The following TANC1 variants were observed in gnomAD, a reference collection of about 807,000 sequenced individuals.
The protein encoded by TANC1 is tetratricopeptide repeat, ankyrin repeat and coiled-coil containing 1.
TANC1 carries 77 observed loss-of-function variants against 149.7 expected under a neutral mutation model. The ratio of observed to expected loss-of-function variants is 0.51; its 90% CI spans 0.43 to 0.62. The LOEUF is 0.62. Among genes scored for constraint, TANC1 ranks in the 20% least tolerant of loss-of-function variants. The pLI, the probability that TANC1 is intolerant of heterozygous loss-of-function variation, is 0.00. For missense variants in TANC1, 1,985 were observed against 2,321.8 expected (o/e 0.85, Z 2.98); for synonymous variants, 854 against 925.0 (o/e 0.92, Z 1.39).
intron 2 of TANC1, among the ~76,000 whole-genome samples, chr2:159,043,694 T>A (rs1021808132): frequency 6.6e-6 from 1 of 152,196 alleles, no homozygotes; most frequent in Non-Finnish European, 1.5e-5. Flanking sequence ...ATTGAATGGC[T>A]TAGTATCTTT....
chr2:159,015,039 G>A (rs1229897708), intron 2 of TANC1, among the ~76,000 whole-genome samples: 1 of 152,168 alleles, frequency 6.6e-6, no homozygotes, highest in Non-Finnish European at 1.5e-5. Context: ...TCTACTAGGT[G>A]GTGCCCCCTT....
At chr2:159,228,137 T>C in intron 25 of TANC1, 172 bp downstream of exon 25, 1 of 701,054 alleles carries the variant, frequency 1.4e-6, no homozygotes, top group Admixed American at 2.9e-5. Context: ...TATCGTTTGG[T>C]CACGGCTGCT....
At chr2:159,047,223 A>T (rs1574325472) in intron 2 of TANC1, among the ~76,000 whole-genome samples, 1 of 136,990 alleles carries the variant, frequency 7.3e-6, no homozygotes, top group Non-Finnish European at 1.6e-5. Flanking sequence ...CCTGCTCCCC[A>T]CTCCAAACCA....
At chr2:159,059,596 G>A (rs567464246) in intron 2 of TANC1, among the ~76,000 whole-genome samples, 108 of 152,032 alleles carry the variant, frequency 7.1e-4, no homozygotes, top group Non-Finnish European at 1.4e-3. Flanking sequence ...GCCATCCCCC[G>A]CACCCTGACA....
At chr2:159,156,293 C>A (rs1403444973) in intron 7 of TANC1, among the ~76,000 whole-genome samples, 1 of 151,970 alleles carries the variant, frequency 6.6e-6, no homozygotes, top group African/African-American at 2.4e-5. Context: ...TTTTTAAAAT[C>A]TCTTGGGTGA....
chr2:159,196,840 C>T (rs760639756), intron 18 of TANC1, 47 bp downstream of exon 18: 1 of 1,542,530 alleles, frequency 6.5e-7, no homozygotes. Flanking sequence ...AAGCTGTAGC[C>T]CAGCAAGTCA....
chr2:158,985,879 G>A (rs2034944106), intron 1 of TANC1, among the ~76,000 whole-genome samples: 1 of 152,098 alleles, frequency 6.6e-6, no homozygotes, highest in Non-Finnish European at 1.5e-5. Context: ...CTGACCTTGC[G>A]ATCTGCCTGC....
At chr2:159,065,323 T>C (rs984172262) in intron 2 of TANC1, among the ~76,000 whole-genome samples, 1 of 152,204 alleles carries the variant, frequency 6.6e-6, no homozygotes, top group Non-Finnish European at 1.5e-5. Context: ...AAAAACCCAC[T>C]GTGGTGTGTG....
At chr2:159,207,688 C>T (rs1047808514) in intron 19 of TANC1, among the ~76,000 whole-genome samples, 4 of 82,602 alleles carry the variant, frequency 4.8e-5, no homozygotes, top group East Asian at 4.5e-4. Context: ...GACTGAGCAA[C>T]ACGTGTCTCA....
intron 4 of TANC1, among the ~76,000 whole-genome samples, chr2:159,110,023 G>A (rs916141016): frequency 2.0e-5 from 3 of 152,218 alleles, no homozygotes; most frequent in African/African-American, 7.2e-5. Context: ...AGAAATTCAT[G>A]GTAGTTTTGC....
intron 19 of TANC1, among the ~76,000 whole-genome samples, chr2:159,206,779 T>C (rs1274660985): frequency 2.0e-5 from 3 of 152,214 alleles, no homozygotes; most frequent in African/African-American, 7.2e-5. Context: ...GCCCCCTTTT[T>C]ACACTGAGAC....
intron 19 of TANC1, among the ~76,000 whole-genome samples, chr2:159,214,539 G>A (rs986342958): frequency 6.6e-6 from 1 of 152,248 alleles, no homozygotes; most frequent in African/African-American, 2.4e-5. Flanking sequence ...GACTTCTCAT[G>A]AGGACCTTGG....
intron 2 of TANC1, among the ~76,000 whole-genome samples, chr2:159,025,219 T>TTCTTTC (rs2039207652): frequency 6.7e-6 from 1 of 150,044 alleles, no homozygotes; most frequent in African/African-American, 2.5e-5. Flanking sequence ...CTTTCTTTCT[T>TTCTTTC]TCTTTCTTTC....
chr2:159,003,523 G>T (rs2036815187), intron 2 of TANC1, among the ~76,000 whole-genome samples: 2 of 151,932 alleles, frequency 1.3e-5, no homozygotes, highest in African/African-American at 4.8e-5. Context: ...AGCACAGAGA[G>T]GTTAAATTGC....
At chr2:159,100,508 A>G (rs2046572594) in intron 4 of TANC1, among the ~76,000 whole-genome samples, 1 of 152,244 alleles carries the variant, frequency 6.6e-6, no homozygotes, top group Non-Finnish European at 1.5e-5. Flanking sequence ...AGGCCTTAGA[A>G]TAGAAGGTTA....
At chr2:159,215,232 A>G (rs1575309789) in intron 19 of TANC1, among the ~76,000 whole-genome samples, 3 of 152,294 alleles carry the variant, frequency 2.0e-5, no homozygotes, top group African/African-American at 7.2e-5. Flanking sequence ...GAGGCCCCAG[A>G]TAGAACGCAG....
intron 5 of TANC1, among the ~76,000 whole-genome samples, chr2:159,137,661 G>A (rs547370741): frequency 3.9e-5 from 6 of 152,150 alleles, no homozygotes; most frequent in Non-Finnish European, 8.8e-5. Flanking sequence ...TCTCTCCTCG[G>A]TGTCCTGAAA....
intron 9 of TANC1, 40 bp downstream of exon 9, chr2:159,169,412 A>G: frequency 6.2e-7 from 1 of 1,601,262 alleles, no homozygotes; most frequent in East Asian, 2.2e-5. Flanking sequence ...GGTTATGACT[A>G]ACTCAGTCAG....
chr2:159,111,720 A>G (rs964893602), intron 4 of TANC1, among the ~76,000 whole-genome samples: 1 of 152,140 alleles, frequency 6.6e-6, no homozygotes, highest in Non-Finnish European at 1.5e-5. Context: ...AGTGCACACA[A>G]TGGAATGCAA....
Sources: gnomAD v4.1 joint callset for allele counts (sites outside exome capture counted in the v4.1 genomes callset) on GRCh38, gnomAD v4.1.1 for gene constraint, MANE v1.5 for transcripts, NCBI Gene and HGNC (gene_info 2026-07-23, HGNC 2026-07-21) for gene names.